CHMP1A: variants seen among roughly 807,000 people sequenced by gnomAD.
CHMP1A encodes the protein VPS46 homolog A.
CHMP1A carries 17 observed loss-of-function variants against 27.0 expected under a neutral mutation model. That is an observed-to-expected ratio of 0.63 (90% CI 0.43 to 0.95). The LOEUF is 0.95. Among genes scored for constraint, CHMP1A ranks in the 40% least tolerant of loss-of-function variants. The pLI, the probability that CHMP1A is intolerant of heterozygous loss-of-function variation, is 0.00. For missense variants in CHMP1A, 275 were observed against 264.0 expected, an observed-to-expected ratio of 1.04 and a Z score of -0.29; for synonymous variants, 131 against 107.5, an observed-to-expected ratio of 1.22 and a Z score of -1.35.
At position 89,646,637 on chromosome 16, in the gene CHMP1A, G is replaced by A. The variant is rs200160024; in HGVS notation, c.459C>T (p.Ile153=). The part of the protein sequence containing the change: ...QEQVDSLIMQ[I]AEENGLEVLD... The stretch of plus-strand genomic sequence containing the variant: ...GCACCTCCAGGCCATTCTCCTCGGC[G>A]ATCTGCATGATGAGGCTGTCCACCT... The change falls in exon 6 of 7, where the codon ATC becomes ATT. Residue 153 remains isoleucine (I), a synonymous_variant. Transcript: ENST00000397901. 1.9e-5 allele frequency: 30 copies of A among 1,610,106 alleles called. No homozygotes were observed. In the East Asian group the frequency reaches 4.2e-4, roughly 23 times the overall value.
In CHMP1A at chr16:89,648,379, G is replaced by A. The variant is rs456195; in HGVS notation, c.252+972C>T. Among the ~76,000 whole-genome samples, 3 of 79,938 alleles carry A rather than the reference G, an allele frequency of 3.8e-5. No individual in the cohort carries two copies. In the South Asian group the frequency reaches 1.8e-3, roughly 49 times the overall value. 52.4% of individuals were successfully genotyped at this position (79,938 alleles called of 152,430 possible). ...CGACGTGGAGACCCAGCGCGGGGTCGGTGGAGAAAAGGCCGCCGACGTGGG... is the reference window on the plus strand; with the variant it reads ...CGACGTGGAGACCCAGCGCGGGGTCAGTGGAGAAAAGGCCGCCGACGTGGG... On this transcript the variant is annotated intron_variant, in intron 4 of 6. Coordinates refer to ENST00000397901, the MANE Select transcript of CHMP1A (RefSeq NM_002768.5).
intron 2 of CHMP1A, among the ~76,000 whole-genome samples, chr16:89,653,020 C>CTTTTTTTTTTTTTTTT: frequency 1.2e-5 from 1 of 82,194 alleles, no homozygotes; most frequent in African/African-American, 4.6e-5. Flanking sequence ...TTTTTCTTTT[C>CTTTTTTTTTTTTTTTT]TTTTTTTTTT....
chr16:89,648,309 C>G (rs75559765), intron 4 of CHMP1A, among the ~76,000 whole-genome samples: 5 of 352 alleles, frequency 0.014, no homozygotes, highest in Admixed American at 0.031. Flanking sequence ...GAGAAAAGGC[C>G]GCCGACGTGG....
intron 2 of CHMP1A, among the ~76,000 whole-genome samples, chr16:89,653,010 T>C (rs965367080): frequency 2.8e-5 from 4 of 141,230 alleles, no homozygotes; most frequent in East Asian, 2.6e-4. Flanking sequence ...GTCTTTTTTT[T>C]TTTTCTTTTC....
At chr16:89,655,677 G>C (rs1331741350) in intron 1 of CHMP1A, among the ~76,000 whole-genome samples, 1 of 151,886 alleles carries the variant, frequency 6.6e-6, no homozygotes, top group Non-Finnish European at 1.5e-5. Flanking sequence ...CCAGGCTAGA[G>C]TGCAACGGCA....
At chr16:89,646,813 C>A in intron 5 of CHMP1A, 99 bp from the exon 6 acceptor site, 1 of 1,300,258 alleles carries the variant, frequency 7.7e-7, no homozygotes, top group South Asian at 1.3e-5. Context: ...TTCCCTCACA[C>A]AGCCAGCCAC....
intron 1 of CHMP1A, among the ~76,000 whole-genome samples, chr16:89,656,533 G>C (rs916799881): frequency 2.0e-5 from 3 of 152,208 alleles, no homozygotes; most frequent in African/African-American, 7.2e-5. Context: ...CCTGTTCTTT[G>C]GTATCCCTGA....
In CHMP1A at chr16:89,645,144, C is replaced by T. The variant is rs117784048; in HGVS notation, c.*922G>A. On this transcript the variant is annotated 3_prime_UTR_variant, in exon 7 of 7. Coordinates refer to ENST00000397901, the MANE Select transcript of CHMP1A (RefSeq NM_002768.5). ...AGCTGGGAAGGCATTGGGGTGTGGTCGGGGAAGGCACCCAGTTGTTTACAG... is the reference window on the plus strand; with the variant it reads ...AGCTGGGAAGGCATTGGGGTGTGGTTGGGGAAGGCACCCAGTTGTTTACAG... 2,315 of 152,410 alleles carry T rather than the reference C, an allele frequency of 0.015. 28 individuals carry two copies. The highest frequency in any genetic ancestry group is 0.022 in the Non-Finnish European group (1,521 of 68,108). 9.4% of individuals were successfully genotyped at this position (152,410 alleles called of 1,614,324 possible).
At position 89,649,511 on chromosome 16, in the gene CHMP1A, G is replaced by T. The variant is rs1021720528; in HGVS notation, c.106-14C>A. The T allele has an allele frequency of 6.2e-7, 1 of 1,613,396 alleles. No individual in the cohort carries two copies. Among genetic ancestry groups the T allele is most frequent in the Non-Finnish European group, 8.5e-7 (1 of 1,179,778 alleles). The stretch of plus-strand genomic sequence containing the variant: ...CTGCAGAAGGGCCTGAAACCCGCGG[G>T]GGAAAGCAGCTGGAAGAGCTTGGTG... On this transcript the variant is annotated splice_polypyrimidine_tract_variant and intron_variant, in intron 3 of 6. Coordinates refer to ENST00000397901, the MANE Select transcript of CHMP1A (RefSeq NM_002768.5).
At chr16:89,647,429 C>G in intron 4 of CHMP1A, 98 bp from the exon 5 acceptor site, 1 of 1,187,090 alleles carries the variant, frequency 8.4e-7, no homozygotes, top group Non-Finnish European at 1.2e-6. Context: ...AGAGCTGGGG[C>G]ACCCCAACCC....
At chr16:89,651,920 G>C (rs561369584) in intron 2 of CHMP1A, among the ~76,000 whole-genome samples, 1 of 152,318 alleles carries the variant, frequency 6.6e-6, no homozygotes, top group African/African-American at 2.4e-5. Flanking sequence ...TCTGTGAACA[G>C]CCTCACCCAA....
chr16:89,654,073 C>A (rs1447167023), intron 1 of CHMP1A, 150 bp from the exon 2 acceptor site: 6 of 832,918 alleles, frequency 7.2e-6, no homozygotes, highest in East Asian at 5.0e-5. Context: ...GAGCCCCCCC[C>A]AACAGGGGAG....
At chr16:89,656,008 C>G (rs1299614090) in intron 1 of CHMP1A, among the ~76,000 whole-genome samples, 1 of 152,034 alleles carries the variant, frequency 6.6e-6, no homozygotes, top group Non-Finnish European at 1.5e-5. Context: ...GCCACCACAC[C>G]CGGCCTGGCC....
rs374723745 is a variant in CHMP1A, at chr16:89,645,939, G to A, written c.*127C>T. On this transcript the variant is annotated 3_prime_UTR_variant, in exon 7 of 7. Coordinates refer to ENST00000397901, the MANE Select transcript of CHMP1A (RefSeq NM_002768.5). ...CTAAGGCCACGCAGGCCTGGCAGGT[G>A]AGAGACGCAGAGTGGCTGCCGGCCG... 1.6e-5 allele frequency: 26 copies of A among 1,611,468 alleles called. No homozygotes were observed. Among genetic ancestry groups the A allele is most frequent in the Non-Finnish European group, 2.2e-5 (26 of 1,179,064 alleles).
chr16:89,650,118 G>T (rs1039745373), intron 3 of CHMP1A, among the ~76,000 whole-genome samples: 1 of 152,166 alleles, frequency 6.6e-6, no homozygotes, highest in Non-Finnish European at 1.5e-5. Flanking sequence ...AGTCCAATAC[G>T]CTGGGACCTA....
rs1267880219 is a variant in CHMP1A at position 89,657,631 on chromosome 16, G to A, written c.-43C>T. On this transcript the variant is annotated 5_prime_UTR_variant, in exon 1 of 7. Transcript: ENST00000397901. ...CAGCACTCGGAGAGGGAGAAGGGAC[G>A]CCAACTCCGGGCGGTGTCAGGTCCC... The A allele has an allele frequency of 2.5e-6, 4 of 1,608,670 alleles. No homozygotes were observed. Among genetic ancestry groups the A allele is most frequent in the Non-Finnish European group, 8.5e-7 (1 of 1,178,226 alleles).
At chr16:89,653,882 T>C (rs575583828) in intron 2 of CHMP1A, 22 bp downstream of exon 2, 1 of 1,612,324 alleles carries the variant, frequency 6.2e-7, no homozygotes, top group South Asian at 1.1e-5. Flanking sequence ...AGGGCTGGGG[T>C]GAACGGCCAT....
In CHMP1A at chr16:89,653,886, C is replaced by T. The variant is rs756169290; in HGVS notation, c.27+18G>A. 8.1e-6 allele frequency: 13 copies of T among 1,612,266 alleles called. No homozygotes were observed. Among genetic ancestry groups the T allele is most frequent in the South Asian group, 7.7e-5 (7 of 91,054 alleles). ...CTCACCAGAACAGGGCTGGGGTGAA[C>T]GGCCATTCGGTACATACCTTCAACT... On this transcript the variant is annotated intron_variant, in intron 2 of 6. Coordinates refer to ENST00000397901, the MANE Select transcript of CHMP1A (RefSeq NM_002768.5).
Position 89,646,623 on chromosome 16 carries a change from C to T in CHMP1A, c.473G>A (p.Gly158Asp). 6.2e-7 allele frequency: 1 copy of T among 1,608,580 alleles called. No individual in the cohort carries two copies. Among genetic ancestry groups the T allele is most frequent in the Non-Finnish European group, 8.5e-7 (1 of 1,178,228 alleles). Residue 158 changes from glycine to aspartate, a missense_variant, in exon 6 of 7, where the codon GGC becomes GAC. Physicochemically the swap from Gly to Asp is moderately conservative, Grantham distance 94. Transcript: ENST00000397901. Reference sequence around the variant, plus strand: ...GCTGAGCTGGTCCAGCACCTCCAGGCCATTCTCCTCGGCGATCTGCATGAT... The same window carrying T: ...GCTGAGCTGGTCCAGCACCTCCAGGTCATTCTCCTCGGCGATCTGCATGAT... Reference protein sequence around the residue: ...SLIMQIAEENGLEVLDQLSQL... With the variant: ...SLIMQIAEENDLEVLDQLSQL...
Sources: allele counts gnomAD v4.1 joint callset (sites outside exome capture counted in the v4.1 genomes callset), GRCh38; gene constraint gnomAD v4.1.1; transcripts MANE v1.5; gene names NCBI Gene and HGNC (gene_info 2026-07-23, HGNC 2026-07-21).